Variants in EVC2 observed in about 807,000 individuals in gnomAD.
EVC2 encodes limbin.
EVC2 carries 148 observed loss-of-function variants against 149.3 expected under a neutral mutation model. The observed-to-expected ratio is 0.99, with a 90% CI of 0.87 to 1.14. EVC2 has a LOEUF of 1.14. EVC2 is among the 50% of genes most tolerant of loss of function. The pLI, the probability that EVC2 is intolerant of heterozygous loss-of-function variation, is 0.00. For missense variants in EVC2, 1,854 were observed against 1,627.3 expected (o/e 1.14, Z -2.40); for synonymous variants, 776 against 649.9 (o/e 1.19, Z -2.95).
At chr4:5,555,013 G>A (rs2108761157) in intron 21 of EVC2, among the ~76,000 whole-genome samples, 1 of 120,704 alleles carries the variant, frequency 8.3e-6, no homozygotes, top group African/African-American at 3.8e-5. Context: ...CTAGAGAGAG[G>A]AAGCGTGTGT....
chr4:5,683,190 C>T (rs1720465285), intron 6 of EVC2, among the ~76,000 whole-genome samples: 1 of 152,306 alleles, frequency 6.6e-6, no homozygotes, highest in Admixed American at 6.5e-5. Flanking sequence ...ACCTCTGAGG[C>T]ATTCATTCCC....
intron 8 of EVC2, 115 bp from the exon 9 acceptor site, chr4:5,663,361 C>T: frequency 2.2e-6 from 3 of 1,363,266 alleles, no homozygotes; most frequent in Non-Finnish European, 2.1e-6. Flanking sequence ...ATCAGCCCCA[C>T]CACTGTGACC....
Position 5,625,169 on chromosome 4 carries a change from C to A in EVC2, c.2046+580G>T, listed in dbSNP as rs1327712586. ...GAAGGTAACCCCTTAGCACGGCACA[C>A]CATGCCCCCATTGACTTGCTGCTGC... On this transcript the variant is annotated intron_variant, in intron 13 of 21. Transcript: ENST00000344408. This position sits in a 1 kb window ranked among gnomAD's most constrained non-coding sequence, Gnocchi z 4.0. Among the ~76,000 whole-genome samples, 4 of 152,120 alleles carry A rather than the reference C, an allele frequency of 2.6e-5. No individual in the cohort carries two copies. Among genetic ancestry groups the A allele is most frequent in the African/African-American group, 7.2e-5 (3 of 41,422 alleles).
rs1720939098 is a variant in EVC2 at position 5,689,231 on chromosome 4, C to A, written c.632G>T (p.Gly211Val). ...SELLLLDSIA[G>V]LTIWDSVGNR... The stretch of plus-strand genomic sequence containing the variant: ...TCCCACAGAGTCCCAAATGGTGAGA[C>A]CAGCAATGCTGTCCAGCAAGAGCAG... Residue 211 changes from glycine to valine, a missense_variant, in exon 5 of 22, where the codon GGT becomes GTT. By Grantham distance (109) the Gly-to-Val change is moderately radical. Transcript: ENST00000344408. 1 of 1,614,110 alleles carries A rather than the reference C, an allele frequency of 6.2e-7. No homozygotes were observed. The highest frequency in any genetic ancestry group is 1.1e-5 in the South Asian group (1 of 91,084).
At chr4:5,545,922 GGAAAA>G in intron 21 of EVC2, among the ~76,000 whole-genome samples, 1 of 152,216 alleles carries the variant, frequency 6.6e-6, no homozygotes, top group Middle Eastern at 3.4e-3. Context: ...CTCTTAAAAG[GGAAAA>G]GAAGACATTT....
intron 1 of EVC2, among the ~76,000 whole-genome samples, chr4:5,707,780 G>A (rs1722311542): frequency 6.6e-6 from 1 of 152,086 alleles, no homozygotes; most frequent in Non-Finnish European, 1.5e-5. Context: ...CAGAGGGAGG[G>A]CCAGGGTGAA....
rs1325851788 is a variant in EVC2, at chr4:5,613,295, G to C, written c.2829+2127C>G. 6.6e-6 allele frequency among the ~76,000 whole-genome samples: 1 copy of C among 152,104 alleles called. No individual in the cohort carries two copies. Among genetic ancestry groups the C allele is most frequent in the Non-Finnish European group, 1.5e-5 (1 of 68,020 alleles). On this transcript the variant is annotated intron_variant, in intron 16 of 21. Coordinates refer to ENST00000344408, the MANE Select transcript of EVC2 (RefSeq NM_147127.5). This position sits in a 1 kb window ranked among gnomAD's most constrained non-coding sequence, Gnocchi z 4.6. ...TTCCCTCTGTGCACTGTGGCCTCCA[G>C]CACAGTCCAGGATACCCATTCCCTC...
intron 9 of EVC2, among the ~76,000 whole-genome samples, chr4:5,646,333 G>A (rs1717708109): frequency 6.6e-6 from 1 of 151,852 alleles, no homozygotes. Context: ...TCATATGTTT[G>A]TTGGCTACAT....
intron 9 of EVC2, among the ~76,000 whole-genome samples, chr4:5,644,652 T>C (rs1717582274): frequency 6.6e-6 from 1 of 152,160 alleles, no homozygotes; most frequent in Admixed American, 6.5e-5. Flanking sequence ...TATCTTTTAT[T>C]TATATTCTTG....
Position 5,640,564 on chromosome 4 carries a change from T to C in EVC2, c.1420A>G (p.Met474Val). The C allele has an allele frequency of 6.2e-7, 1 of 1,613,804 alleles. No individual in the cohort carries two copies. The highest frequency in any genetic ancestry group is 1.1e-5 in the South Asian group (1 of 91,058). ...TCTTCTGCTTCCTCCATTGCCATCA[T>C]CTCTCTCTGGTACTGGTTTTCCATC... ...KKMENQYQREMMAMEEAEELL... is the reference protein window; with the variant it reads ...KKMENQYQREVMAMEEAEELL... Residue 474 changes from methionine (M) to valine (V), a missense_variant, in exon 10 of 22, where the codon ATG (methionine) becomes GTG (valine). Physicochemically the swap from Met to Val is conservative, Grantham distance 21. Coordinates refer to ENST00000344408, the MANE Select transcript of EVC2 (RefSeq NM_147127.5). This position sits in a 1 kb window ranked among gnomAD's most constrained non-coding sequence, Gnocchi z 4.6.
At chr4:5,709,418 C>A (rs531025571), upstream of EVC2, 7 of 152,400 alleles carry the variant, frequency 4.6e-5, no homozygotes, top group South Asian at 6.2e-4. Flanking sequence ...GTTAGGCTGT[C>A]TATAAAGTCT....
chr4:5,665,796 C>T, intron 7 of EVC2, 147 bp from the exon 8 acceptor site: 1 of 1,312,166 alleles, frequency 7.6e-7, no homozygotes, highest in Non-Finnish European at 1.1e-6. Context: ...TACCAGCTGG[C>T]TGCCTGGAGG....
At chr4:5,652,086 C>T (rs1368535430) in intron 9 of EVC2, among the ~76,000 whole-genome samples, 2 of 152,190 alleles carry the variant, frequency 1.3e-5, no homozygotes, top group Admixed American at 6.5e-5. Flanking sequence ...GTGACCCAAC[C>T]GAGTTCACTG....
At chr4:5,540,502 T>C (rs749994085), downstream of EVC2, among the ~76,000 whole-genome samples, 17 of 152,236 alleles carry the variant, frequency 1.1e-4, no homozygotes, top group Non-Finnish European at 1.9e-4. Context: ...TAATGAACCA[T>C]TGATACATGC....
the EVC2 span, among the ~76,000 whole-genome samples, chr4:5,534,070 TAGA>T: frequency 8.5e-5 from 13 of 152,080 alleles, no homozygotes; most frequent in African/African-American, 2.9e-4. Context: ...GAGGAGGCAC[TAGA>T]AGATTTTAAG....
intron 16 of EVC2, among the ~76,000 whole-genome samples, chr4:5,595,950 C>G (rs1455914462): frequency 6.6e-6 from 1 of 152,134 alleles, no homozygotes; most frequent in East Asian, 1.9e-4. Flanking sequence ...TTTAAACCAA[C>G]AAAGATCAAA....
intron 1 of EVC2, among the ~76,000 whole-genome samples, chr4:5,706,355 CACATAGATAG>C (rs1722153629): frequency 6.1e-4 from 5 of 8,188 alleles, no homozygotes; most frequent in South Asian, 8.4e-3. Context: ...GATAGATAGA[CACATAGATAG>C]ATACATAGAT....
intron 21 of EVC2, among the ~76,000 whole-genome samples, chr4:5,563,378 G>A (rs767286168): frequency 1.1e-4 from 16 of 151,958 alleles, no homozygotes; most frequent in South Asian, 2.1e-4. Context: ...ATGGAGTTTC[G>A]CTCTTGTTGC....
At position 5,630,323 on chromosome 4, in the gene EVC2, G is replaced by A. The variant is rs536400819; in HGVS notation, c.1710+1470C>T. Among the ~76,000 whole-genome samples, 8 of 152,274 alleles carry A rather than the reference G, an allele frequency of 5.3e-5. No homozygotes were observed. In the East Asian group the frequency reaches 1.2e-3, roughly 22 times the overall value. On this transcript the variant is annotated intron_variant, in intron 11 of 21. Coordinates refer to ENST00000344408, the MANE Select transcript of EVC2 (RefSeq NM_147127.5). ...GATGGGCAGGGCCAGCCTTTGTCTT[G>A]TCAGTGGTTGGGTGAATGCTGAGGA...
Sources: allele counts gnomAD v4.1 joint callset (sites outside exome capture counted in the v4.1 genomes callset), GRCh38; gene constraint gnomAD v4.1.1; non-coding constraint Gnocchi (gnomAD v3.1); transcripts MANE v1.5; gene names NCBI Gene and HGNC (gene_info 2026-07-23, HGNC 2026-07-21).